Variants in ODAD2 observed in about 807,000 individuals in gnomAD.
The protein encoded by ODAD2 is outer dynein arm docking complex subunit 2, also known as outer dynein arm-docking complex subunit 2.
Under a neutral mutation model 106.8 loss-of-function variants are expected in ODAD2, and 89 were observed. The ratio of observed to expected loss-of-function variants is 0.83; its 90% CI spans 0.70 to 0.99. ODAD2 has a LOEUF of 0.99. ODAD2 is among the 50% of genes least tolerant of loss of function. The probability of loss-of-function intolerance (pLI) is 0.00; values close to 1 mark genes in which losing one functional copy is unlikely to be tolerated. For missense variants in ODAD2, 1,168 were observed against 1,238.5 expected (o/e 0.94, Z 0.85); for synonymous variants, 404 against 436.2 (o/e 0.93, Z 0.92).
At chr10:27,990,065 A>T (rs1201004899) in intron 2 of ODAD2, among the ~76,000 whole-genome samples, 1 of 152,206 alleles carries the variant, frequency 6.6e-6, no homozygotes, top group Non-Finnish European at 1.5e-5. Flanking sequence ...AGAATCGTGG[A>T]AGGGAGCTAA....
At chr10:27,853,680 C>G (rs931966867) in intron 19 of ODAD2, among the ~76,000 whole-genome samples, 1 of 152,158 alleles carries the variant, frequency 6.6e-6, no homozygotes, top group African/African-American at 2.4e-5. Context: ...AAAGAGCAAA[C>G]AGTTTTTTCA....
At chr10:27,942,561 A>G (rs1259955411) in intron 12 of ODAD2, among the ~76,000 whole-genome samples, 1 of 152,242 alleles carries the variant, frequency 6.6e-6, no homozygotes, top group Non-Finnish European at 1.5e-5. Context: ...TGCATAAAAC[A>G]TATTTTATGT....
chr10:27,958,351 T>A (rs150779574), intron 10 of ODAD2, among the ~76,000 whole-genome samples: 1 of 152,216 alleles, frequency 6.6e-6, no homozygotes, highest in Non-Finnish European at 1.5e-5. Flanking sequence ...AGTTATCCAG[T>A]AATTAGGCTA....
intron 19 of ODAD2, among the ~76,000 whole-genome samples, chr10:27,837,193 TCTGTGCTGCC>T (rs1187545313): frequency 2.6e-5 from 4 of 152,198 alleles, no homozygotes; most frequent in African/African-American, 4.8e-5. Context: ...CCCACCCCTG[TCTGTGCTGCC>T]CTGTGACCAC....
chr10:27,951,450 G>A (rs747037206), intron 10 of ODAD2, among the ~76,000 whole-genome samples: 3 of 152,096 alleles, frequency 2.0e-5, no homozygotes, highest in Non-Finnish European at 2.9e-5. Context: ...AAACTCTCAC[G>A]TGTGAGACTG....
At chr10:27,860,046 C>T (rs1396167201) in intron 19 of ODAD2, among the ~76,000 whole-genome samples, 1 of 152,156 alleles carries the variant, frequency 6.6e-6, no homozygotes, top group Admixed American at 6.5e-5. Context: ...ATATGCTGTA[C>T]ATTTTCTTTC....
intron 9 of ODAD2, among the ~76,000 whole-genome samples, chr10:27,964,355 C>T (rs1280122452): frequency 6.6e-6 from 1 of 152,250 alleles, no homozygotes; most frequent in East Asian, 1.9e-4. Flanking sequence ...ACGTGTGCCT[C>T]GGTTTCCTCA....
intron 16 of ODAD2, among the ~76,000 whole-genome samples, chr10:27,933,181 T>C (rs1407416300): frequency 1.3e-5 from 2 of 152,110 alleles, no homozygotes; most frequent in African/African-American, 2.4e-5. Flanking sequence ...GCCCATGAGT[T>C]TGAAGTTGCA....
intron 17 of ODAD2, among the ~76,000 whole-genome samples, chr10:27,906,156 A>T (rs943496550): frequency 4.6e-5 from 7 of 152,218 alleles, no homozygotes; most frequent in Admixed American, 2.6e-4. Flanking sequence ...AAGGGACTTA[A>T]ACAAATTTAT....
intron 17 of ODAD2, among the ~76,000 whole-genome samples, chr10:27,869,983 C>A (rs904191254): frequency 1.3e-5 from 2 of 151,848 alleles, no homozygotes; most frequent in Admixed American, 1.3e-4. Flanking sequence ...TCAAAATGAC[C>A]TTCAAAGTAA....
In ODAD2 at chr10:27,985,134, G is replaced by T; in HGVS notation, c.460C>A (p.Leu154Ile). The T allele has an allele frequency of 6.3e-7, 1 of 1,595,274 alleles. No individual in the cohort carries two copies. The highest frequency in any genetic ancestry group is 1.1e-5 in the South Asian group (1 of 89,200). Residue 154 changes from leucine to isoleucine, a missense_variant, in exon 4 of 20, where the codon CTT (leucine) becomes ATT (isoleucine). By Grantham distance (5) the Leu-to-Ile change is conservative (BLOSUM62 2). This residue lies in a region of ODAD2 where 430 missense variants were observed against 452.2 expected (regional missense o/e 0.95). Transcript: ENST00000305242. Reference protein sequence around the residue: ...MKENSIALNILGKITRDDDPE... With the variant: ...MKENSIALNIIGKITRDDDPE... ...TCATCATCTCTGGTAATTTTGCCAAGAATATTTAATGCAATTGAGTTTTCT... is the reference window on the plus strand; with the variant it reads ...TCATCATCTCTGGTAATTTTGCCAATAATATTTAATGCAATTGAGTTTTCT...
intron 16 of ODAD2, among the ~76,000 whole-genome samples, chr10:27,915,067 C>T (rs1226331635): frequency 6.6e-6 from 1 of 151,868 alleles, no homozygotes; most frequent in Non-Finnish European, 1.5e-5. Context: ...TGATGGCAGA[C>T]ATTAATCCAT....
chr10:27,888,304 C>T (rs554729143), intron 17 of ODAD2, among the ~76,000 whole-genome samples: 2 of 152,090 alleles, frequency 1.3e-5, no homozygotes, highest in South Asian at 4.1e-4. Flanking sequence ...TCCCTTTTCT[C>T]CTCACCCTTG....
intron 2 of ODAD2, among the ~76,000 whole-genome samples, chr10:27,993,834 G>A: frequency 6.6e-6 from 1 of 152,042 alleles, no homozygotes; most frequent in East Asian, 1.9e-4. Context: ...GCATCTACAG[G>A]AAGCTTTGGC....
At chr10:27,837,524 G>A (rs1837986938) in intron 19 of ODAD2, among the ~76,000 whole-genome samples, 1 of 152,150 alleles carries the variant, frequency 6.6e-6, no homozygotes, top group African/African-American at 2.4e-5. Flanking sequence ...AGTCATTAGT[G>A]TGTATATTTT....
intron 15 of ODAD2, among the ~76,000 whole-genome samples, 173 bp from the exon 16 acceptor site, chr10:27,935,425 C>A (rs1387377924): frequency 6.6e-6 from 1 of 152,082 alleles, no homozygotes; most frequent in East Asian, 1.9e-4. Flanking sequence ...CTAACCCAGC[C>A]ATCTGCTCCA....
intron 17 of ODAD2, among the ~76,000 whole-genome samples, chr10:27,872,665 T>C (rs1442371692): frequency 1.3e-5 from 2 of 152,222 alleles, no homozygotes; most frequent in Non-Finnish European, 2.9e-5. Context: ...CGTTTATTGA[T>C]TTGCATATGT....
At chr10:27,835,819 G>A (rs1478308252) in intron 19 of ODAD2, among the ~76,000 whole-genome samples, 1 of 151,894 alleles carries the variant, frequency 6.6e-6, no homozygotes, top group African/African-American at 2.4e-5. Context: ...CAGCTACCTC[G>A]GGAGGCTGAG....
At chr10:27,986,765 T>C (rs2133153397) in intron 3 of ODAD2, among the ~76,000 whole-genome samples, 1 of 152,334 alleles carries the variant, frequency 6.6e-6, no homozygotes, top group East Asian at 1.9e-4. Flanking sequence ...ACCACATTCA[T>C]TTTTTGCATG....
Sources: gnomAD v4.1 joint callset for allele counts (sites outside exome capture counted in the v4.1 genomes callset) on GRCh38, gnomAD v4.1.1 for gene constraint, gnomAD v4.1.1 regional missense constraint, MANE v1.5 for transcripts, NCBI Gene and HGNC (gene_info 2026-07-23, HGNC 2026-07-21) for gene names.